Variants in PSMD4 observed in about 807,000 individuals in gnomAD.
The protein encoded by PSMD4 is 26S proteasome non-ATPase regulatory subunit 4.
A neutral mutation model predicts 39.7 loss-of-function variants in PSMD4; 5 were observed. The ratio of observed to expected loss-of-function variants is 0.13; its 90% CI spans 0.07 to 0.26. PSMD4 has a LOEUF of 0.26. PSMD4 is among the 10% of genes least tolerant of loss of function. PSMD4 has a pLI of 1.00. For missense variants in PSMD4, 272 were observed against 486.1 expected (o/e 0.56, Z 4.14); for synonymous variants, 143 against 174.6 (o/e 0.82, Z 1.43).
chr1:151,266,753 T>C (rs756251223), intron 9 of PSMD4, 166 bp downstream of exon 9: 14 of 886,430 alleles, frequency 1.6e-5, no homozygotes, highest in Non-Finnish European at 2.2e-5. Flanking sequence ...GCAATGCTAA[T>C]GGTCAGAGTT....
In PSMD4 at chr1:151,264,936, C is replaced by T. The variant is rs776590524; in HGVS notation, c.369+18C>T. 6.3e-6 allele frequency: 10 copies of T among 1,596,142 alleles called. No individual in the cohort carries two copies. The South Asian group carries it at 1.1e-4, about 18-fold the overall frequency. On this transcript the variant is annotated intron_variant, in intron 4 of 9. Transcript: ENST00000368884. Reference sequence around the variant, plus strand: ...AGAAGGATGTGAGTCCAAGTGGCAGCTGGGGAATGTGGGGAGCCCATGTTT... The same window carrying T: ...AGAAGGATGTGAGTCCAAGTGGCAGTTGGGGAATGTGGGGAGCCCATGTTT...
At chr1:151,264,746 CTG>C (rs1486510089) in intron 3 of PSMD4, 84 bp from the exon 4 acceptor site, 23 of 1,093,246 alleles carry the variant, frequency 2.1e-5, no homozygotes, top group Admixed American at 1.4e-4. Context: ...TACAAAGAAA[CTG>C]TAAGAAAAAG....
chr1:151,266,772 G>C, intron 9 of PSMD4, 185 bp downstream of exon 9: 1 of 831,482 alleles, frequency 1.2e-6, no homozygotes, highest in East Asian at 2.7e-5. Flanking sequence ...TTGGAGAAAT[G>C]TCCTCTTGTT....
At chr1:151,259,777 T>TACCAAA (rs1693273359) in intron 1 of PSMD4, among the ~76,000 whole-genome samples, 2 of 152,048 alleles carry the variant, frequency 1.3e-5, no homozygotes, top group East Asian at 3.9e-4. Context: ...GACTGGGTCT[T>TACCAAA]CCTGTGTTGC....
intron 1 of PSMD4, among the ~76,000 whole-genome samples, chr1:151,258,085 G>A (rs911228572): frequency 4.6e-5 from 7 of 151,542 alleles, no homozygotes; most frequent in Admixed American, 2.0e-4. Context: ...GTGCAGTGGC[G>A]CCATCTCGGC....
intron 2 of PSMD4, 114 bp from the exon 3 acceptor site, chr1:151,263,800 A>C: frequency 1.4e-6 from 1 of 716,894 alleles, no homozygotes. Context: ...CACGCACTCC[A>C]GCCTGGGTGA....
rs766214858 is a variant in PSMD4, at chr1:151,254,750, G to A, written c.-33G>A. ...GGAGGAGTTGTTGTTAGGCCGTCCCGGAGACCCGGTCGGGAGGGAGGAAGG... is the reference window on the plus strand; with the variant it reads ...GGAGGAGTTGTTGTTAGGCCGTCCCAGAGACCCGGTCGGGAGGGAGGAAGG... On this transcript the variant is annotated 5_prime_UTR_variant, in exon 1 of 10. Transcript: ENST00000368884. 40 of 1,553,666 alleles carry A rather than the reference G, an allele frequency of 2.6e-5. No individual in the cohort carries two copies. Among genetic ancestry groups the A allele is most frequent in the Non-Finnish European group, 3.2e-5 (37 of 1,149,580 alleles).
chr1:151,256,252 G>A (rs1348897667), intron 1 of PSMD4, among the ~76,000 whole-genome samples: 1 of 150,624 alleles, frequency 6.6e-6, no homozygotes, highest in Admixed American at 6.6e-5. Context: ...GCTGAGGTGG[G>A]AGAATCGTTT....
At chr1:151,254,839 G>A in intron 1 of PSMD4, 31 bp downstream of exon 1, 1 of 1,489,514 alleles carries the variant, frequency 6.7e-7, no homozygotes, top group Non-Finnish European at 8.9e-7. Flanking sequence ...AGGAGGGGCA[G>A]AGCTGGGTTC....
chr1:151,256,360 TA>T (rs1558319332), intron 1 of PSMD4, among the ~76,000 whole-genome samples: 1 of 51,086 alleles, frequency 2.0e-5, no homozygotes, highest in African/African-American at 9.2e-5. Flanking sequence ...AAAAAAATAA[TA>T]ATAAAATAAA....
chr1:151,255,509 C>T (rs1251433383), intron 1 of PSMD4, among the ~76,000 whole-genome samples: 1 of 152,132 alleles, frequency 6.6e-6, no homozygotes, highest in Non-Finnish European at 1.5e-5. Flanking sequence ...GTACCTATTA[C>T]GAGTCACATT....
intron 2 of PSMD4, chr1:151,262,539 G>A (rs991702374): frequency 1.9e-6 from 1 of 514,366 alleles, no homozygotes; most frequent in African/African-American, 1.9e-5. Context: ...GGCAGGGCTA[G>A]GGTAGGGGGT....
chr1:151,267,011 G>T, intron 9 of PSMD4, 162 bp from the exon 10 acceptor site: 1 of 847,244 alleles, frequency 1.2e-6, no homozygotes, highest in Non-Finnish European at 2.1e-6. Context: ...CTGTATAAAG[G>T]ATTTTGCTGA....
intron 1 of PSMD4, among the ~76,000 whole-genome samples, chr1:151,257,402 A>G (rs1348749128): frequency 6.6e-6 from 1 of 152,102 alleles, no homozygotes; most frequent in Admixed American, 6.6e-5. Context: ...TTAGCTTAGG[A>G]TTGCCTTGGC....
chr1:151,266,857 C>T (rs963996770), intron 9 of PSMD4: 11 of 714,556 alleles, frequency 1.5e-5, no homozygotes, highest in Admixed American at 8.2e-5. Flanking sequence ...GGGAAAAAAG[C>T]GGGTCTGGGA....
chr1:151,258,598 C>T (rs1266921452), intron 1 of PSMD4, among the ~76,000 whole-genome samples: 3 of 151,212 alleles, frequency 2.0e-5, no homozygotes, highest in African/African-American at 7.3e-5. Context: ...ATAGCTGGGA[C>T]TACAGGCACT....
rs1215292077 is a variant in PSMD4 at position 151,254,800 on chromosome 1, T to G, written c.18T>G (p.Thr6=). Residue 6 remains threonine, a synonymous_variant, in exon 1 of 10, where the codon ACT becomes ACG. Coordinates refer to ENST00000368884, the MANE Select transcript of PSMD4 (RefSeq NM_002810.4). MVLES[T]MVCVDNSEYM... ...GTGGCAAGATGGTGTTGGAAAGCAC[T>G]ATGGTGTGGTGAGGAGCTACTTCGG... 2 of 1,550,846 alleles carry G rather than the reference T, an allele frequency of 1.3e-6. No individual in the cohort carries two copies. Among genetic ancestry groups the G allele is most frequent in the South Asian group, 1.2e-5 (1 of 83,184 alleles).
chr1:151,257,867 A>G (rs891568913), intron 1 of PSMD4, among the ~76,000 whole-genome samples: 2 of 150,850 alleles, frequency 1.3e-5, no homozygotes, highest in Non-Finnish European at 3.0e-5. Flanking sequence ...GCTCGGCAGT[A>G]TGGCCATTTT....
chr1:151,255,013 G>A (rs1332025559), intron 1 of PSMD4, among the ~76,000 whole-genome samples: 2 of 152,226 alleles, frequency 1.3e-5, no homozygotes, highest in African/African-American at 4.8e-5. Context: ...TTACCCCCAG[G>A]GGGACGGTCA....
Sources: allele counts gnomAD v4.1 joint callset (sites outside exome capture counted in the v4.1 genomes callset), GRCh38; gene constraint gnomAD v4.1.1; transcripts MANE v1.5; gene names NCBI Gene and HGNC (gene_info 2026-07-23, HGNC 2026-07-21).